The following FRMPD2 variants were observed in gnomAD, a reference collection of about 807,000 sequenced individuals.
The protein encoded by FRMPD2 is FERM and PDZ domain-containing protein 2.
A neutral mutation model predicts 140.1 loss-of-function variants in FRMPD2; 96 were observed. That is an observed-to-expected ratio of 0.69 (90% CI 0.58 to 0.81). FRMPD2 has a LOEUF of 0.81. FRMPD2 is among the 40% of genes least tolerant of loss of function. FRMPD2 has a pLI of 0.00. For missense variants in FRMPD2, 1,240 were observed against 1,447.4 expected (o/e 0.86, Z 2.32); for synonymous variants, 449 against 547.6 (o/e 0.82, Z 2.52).
At chr10:48,211,586 C>T (rs2131883036) in intron 13 of FRMPD2, among the ~76,000 whole-genome samples, 1 of 152,164 alleles carries the variant, frequency 6.6e-6, no homozygotes, top group East Asian at 1.9e-4. Context: ...AGTTTGAGAC[C>T]AGCCTGGCCA....
chr10:48,251,090 A>T (rs1840369307), intron 2 of FRMPD2, among the ~76,000 whole-genome samples: 1 of 152,080 alleles, frequency 6.6e-6, no homozygotes, highest in South Asian at 2.1e-4. Flanking sequence ...GGTGTGAGCC[A>T]CCGTGCCCAG....
chr10:48,189,304 C>G (rs114466669), intron 16 of FRMPD2, among the ~76,000 whole-genome samples: 1 of 152,144 alleles, frequency 6.6e-6, no homozygotes, highest in Non-Finnish European at 1.5e-5. Context: ...TGTGGAGGAG[C>G]CACACCTTCA....
chr10:48,180,005 A>C (rs1838504296), intron 21 of FRMPD2, among the ~76,000 whole-genome samples: 1 of 152,196 alleles, frequency 6.6e-6, no homozygotes. Flanking sequence ...GAGAGAAGGG[A>C]GTGGTCGATG....
intron 1 of FRMPD2, among the ~76,000 whole-genome samples, chr10:48,253,055 T>C (rs1840422924): frequency 6.6e-6 from 1 of 152,208 alleles, no homozygotes; most frequent in Non-Finnish European, 1.5e-5. Flanking sequence ...AAGAAGACCA[T>C]GATTCTTATA....
At chr10:48,185,185 T>C (rs1200041275) in intron 18 of FRMPD2, among the ~76,000 whole-genome samples, 3 of 152,194 alleles carry the variant, frequency 2.0e-5, no homozygotes, top group Non-Finnish European at 4.4e-5. Flanking sequence ...AAGTACCTTG[T>C]CTCCGTACCT....
chr10:48,215,350 G>C (rs1015815366), intron 12 of FRMPD2, among the ~76,000 whole-genome samples: 1 of 152,166 alleles, frequency 6.6e-6, no homozygotes, highest in Non-Finnish European at 1.5e-5. Context: ...CCTCTCTGAG[G>C]CCTCACTCAA....
intron 12 of FRMPD2, among the ~76,000 whole-genome samples, chr10:48,217,711 A>T (rs934561616): frequency 1.3e-5 from 2 of 152,150 alleles, no homozygotes; most frequent in Non-Finnish European, 1.5e-5. Context: ...GGCAAAAAAA[A>T]TTTTACAACC....
In FRMPD2 at chr10:48,244,800, T is replaced by C. The variant is rs777571330; in HGVS notation, c.359A>G (p.His120Arg). The C allele has an allele frequency of 2.5e-6, 4 of 1,613,452 alleles. No homozygotes were observed. The highest frequency in any genetic ancestry group is 1.1e-5 in the South Asian group (1 of 91,062). The change falls in exon 4 of 29, where the codon CAT (histidine) becomes CGT (arginine). Residue 120 changes from histidine (H) to arginine (R), a missense_variant. Around this residue, in one of 6 missense-constraint regions of FRMPD2, gnomAD observed 1,161 missense variants for 1,055.9 expected, o/e 1.10. Transcript: ENST00000374201. ...GMTLYWSAGFHVPPHQPLQLC... is the reference protein window; with the variant it reads ...GMTLYWSAGFRVPPHQPLQLC... Reference sequence around the variant, plus strand: ...TTTACAAACCTGATGTGGCGGAACATGAAACCCTGCTGACCAGTAGAGGGT... The same window carrying C: ...TTTACAAACCTGATGTGGCGGAACACGAAACCCTGCTGACCAGTAGAGGGT...
intron 12 of FRMPD2, among the ~76,000 whole-genome samples, chr10:48,215,588 G>A (rs573188583): frequency 7.9e-5 from 12 of 152,336 alleles, no homozygotes; most frequent in Non-Finnish European, 1.5e-4. Context: ...GAATGGGTTT[G>A]TGTAAACCTG....
chr10:48,190,601 G>A (rs1234356736), intron 16 of FRMPD2, among the ~76,000 whole-genome samples: 2 of 152,290 alleles, frequency 1.3e-5, no homozygotes, highest in African/African-American at 4.8e-5. Flanking sequence ...TGTGCTTCTT[G>A]GAGGTGGGGT....
At chr10:48,266,967 C>G (rs1275683184) in intron 1 of FRMPD2, among the ~76,000 whole-genome samples, 1 of 152,212 alleles carries the variant, frequency 6.6e-6, no homozygotes, top group African/African-American at 2.4e-5. Context: ...GGAGCCAGAA[C>G]AGTCACAACA....
intron 15 of FRMPD2, among the ~76,000 whole-genome samples, chr10:48,194,548 A>G (rs1360316610): frequency 3.3e-5 from 5 of 152,198 alleles, no homozygotes; most frequent in African/African-American, 1.2e-4. Flanking sequence ...AGCGAGTTTG[A>G]AGCAAGACTG....
intron 2 of FRMPD2, among the ~76,000 whole-genome samples, chr10:48,250,795 CTTT>C (rs34856884): frequency 5.1e-5 from 6 of 117,106 alleles, no homozygotes; most frequent in African/African-American, 2.2e-4. Context: ...GTAGGTCTGC[CTTT>C]TTTTTTTTTT....
rs970938891 is a variant in FRMPD2 at position 48,240,551 on chromosome 10, G to C, written c.568-59C>G. ...AAGATAAGGAGGGGGCGTTTTTATA[G>C]ATACATGCAAACTGGCTGTCAGACT... On this transcript the variant is annotated intron_variant, in intron 5 of 28. Coordinates refer to ENST00000374201, the MANE Select transcript of FRMPD2 (RefSeq NM_001018071.4). The C allele has an allele frequency of 5.6e-6, 9 of 1,602,104 alleles. No individual in the cohort carries two copies. The Admixed American group carries it at 6.7e-5, about 12-fold the overall frequency.
intron 17 of FRMPD2, 110 bp from the exon 18 acceptor site, chr10:48,185,755 C>G: frequency 9.0e-6 from 7 of 780,426 alleles, no homozygotes; most frequent in African/African-American, 1.7e-5. Flanking sequence ...CACATTCACA[C>G]GCACACAATC....
intron 22 of FRMPD2, chr10:48,177,166 G>A (rs1308989016): frequency 6.8e-6 from 1 of 147,678 alleles, no homozygotes; most frequent in Non-Finnish European, 1.5e-5. Context: ...GGAGTGCAGT[G>A]TTGTGATCTC....
chr10:48,198,647 G>A lies in FRMPD2; in HGVS notation c.1954+2581C>T, dbSNP rs536878892. Among the ~76,000 whole-genome samples, 11 of 152,216 alleles carry A rather than the reference G, an allele frequency of 7.2e-5. No homozygotes were observed. The East Asian group carries it at 2.1e-3, about 29-fold the overall frequency. ...TTGGTAGTTTGATAGGAATAGCATT[G>A]AATCTGTAAATTGCTTTGGGCAATA... is the stretch of plus-strand genomic sequence containing the variant. On this transcript the variant is annotated intron_variant, in intron 15 of 28. Transcript: ENST00000374201.
chr10:48,167,814 C>T (rs1428865599), intron 27 of FRMPD2, among the ~76,000 whole-genome samples: 2 of 152,160 alleles, frequency 1.3e-5, no homozygotes, highest in African/African-American at 2.4e-5. Context: ...TTGAGTAAAA[C>T]AGATTGTCTT....
At position 48,232,123 on chromosome 10, in the gene FRMPD2, T is replaced by C; in HGVS notation, c.1160A>G (p.Tyr387Cys). 1 of 1,614,170 alleles carries C rather than the reference T, an allele frequency of 6.2e-7. No individual in the cohort carries two copies. Among genetic ancestry groups the C allele is most frequent in the Non-Finnish European group, 8.5e-7 (1 of 1,180,020 alleles). Residue 387 changes from tyrosine to cysteine, a missense_variant, in exon 10 of 29, where the codon TAT (tyrosine) becomes TGT (cysteine). Transcript: ENST00000374201. Reference protein sequence around the residue: ...LEELTYFGLAYMKSKEFFFLD... With the variant: ...LEELTYFGLACMKSKEFFFLD... ...GCCCAAGAGATGCTTACTTTTCATA[T>C]ACGCCAAGCCAAAGTAGGTGAGTTC... is the stretch of plus-strand genomic sequence containing the variant.
Sources: gnomAD v4.1 joint callset for allele counts (sites outside exome capture counted in the v4.1 genomes callset) on GRCh38, gnomAD v4.1.1 for gene constraint, gnomAD v4.1.1 regional missense constraint, MANE v1.5 for transcripts, NCBI Gene and HGNC (gene_info 2026-07-23, HGNC 2026-07-21) for gene names.